DGKD: variants seen among roughly 807,000 people sequenced by gnomAD.
The protein encoded by DGKD is diacylglycerol kinase delta.
In DGKD, 68 loss-of-function variants were observed where a neutral mutation model predicts 154.4. The observed-to-expected ratio is 0.44, with a 90% CI of 0.36 to 0.54. The LOEUF is 0.54. DGKD is among the 20% of genes least tolerant of loss of function. The probability of loss-of-function intolerance (pLI) is 0.00; values close to 1 mark genes in which losing one functional copy is unlikely to be tolerated. For missense variants in DGKD, 1,343 were observed against 1,593.6 expected (o/e 0.84, Z 2.68); for synonymous variants, 693 against 638.0 (o/e 1.09, Z -1.30).
At position 233,463,681 on chromosome 2, in the gene DGKD, G is replaced by GCATCACCTCACTCCACA. The variant is rs2063739280; in HGVS notation, c.3187-467_3187-466insACATCACCTCACTCCAC. ...CACTGCACGCATCTCCTCACTCCAC[G>GCATCACCTCACTCCACA]CATCACCTCACTCCACGCATCACCT... On this transcript the variant is annotated intron_variant, in intron 26 of 29. Coordinates refer to ENST00000264057, the MANE Select transcript of DGKD (RefSeq NM_152879.3). The GCATCACCTCACTCCACA allele has an allele frequency of 4.4e-5, 8 of 181,376 alleles. 1 individual carries two copies. The highest frequency in any genetic ancestry group is 1.7e-4 in the African/African-American group (6 of 34,816). The allele number at this position is 181,376 out of a possible 1,614,324, so 11.2% of individuals were successfully genotyped here.
chr2:233,373,699 C>T (rs1468836131), intron 1 of DGKD, among the ~76,000 whole-genome samples: 1 of 152,090 alleles, frequency 6.6e-6, no homozygotes. Flanking sequence ...TTATGTTCCC[C>T]CTTGTTTGAA....
chr2:233,467,604 T>C (rs1341503415), intron 28 of DGKD, among the ~76,000 whole-genome samples: 1 of 152,264 alleles, frequency 6.6e-6, no homozygotes, highest in Non-Finnish European at 1.5e-5. Flanking sequence ...TCGAGGTTCC[T>C]GTGCTGGGAA....
In DGKD at chr2:233,366,964, A is replaced by G. The variant is rs111632695; in HGVS notation, c.156+12290A>G. ...CCACAACATGAGGATATTTTCTTAT[A>G]TAACAATACCATTATACCTGAAAAA... On this transcript the variant is annotated intron_variant, in intron 1 of 29. Transcript: ENST00000264057. 2.7e-3 allele frequency among the ~76,000 whole-genome samples: 413 copies of G among 152,344 alleles called. 2 individuals are homozygous for G. Among genetic ancestry groups the G allele is most frequent in the African/African-American group, 9.5e-3 (394 of 41,586 alleles).
chr2:233,446,898 T>C, intron 12 of DGKD, 102 bp downstream of exon 12: 1 of 1,355,150 alleles, frequency 7.4e-7, no homozygotes, highest in African/African-American at 1.4e-5. Flanking sequence ...GCCTCCCCTT[T>C]GGTGTTGGGG....
rs1341782169 is a variant in DGKD, at chr2:233,434,391, A to G, written c.360A>G (p.Pro120=). ...NVNNSFTVIT[P]CRKLILCADN... ...GTTTCTTTCTCTAGGTCATAACTCC[A>G]TGCAGGAAGCTCATCTTGTGTGCTG... The change falls in exon 4 of 30, where the codon CCA becomes CCG. Residue 120 remains proline (P), a synonymous_variant. Transcript: ENST00000264057. 1 of 1,614,128 alleles carries G rather than the reference A, an allele frequency of 6.2e-7. No homozygotes were observed. Among genetic ancestry groups the G allele is most frequent in the Non-Finnish European group, 8.5e-7 (1 of 1,179,944 alleles).
intron 29 of DGKD, among the ~76,000 whole-genome samples, chr2:233,469,164 A>G (rs1034376708): frequency 2.0e-5 from 3 of 152,224 alleles, no homozygotes; most frequent in Non-Finnish European, 4.4e-5. Context: ...TGCTGATGGT[A>G]GTGACTAGAA....
Position 233,387,340 on chromosome 2 carries a change from C to T in DGKD, c.157-917C>T, listed in dbSNP as rs1210861116. 5.3e-5 allele frequency among the ~76,000 whole-genome samples: 8 copies of T among 152,314 alleles called. No individual in the cohort carries two copies. The East Asian group carries it at 1.4e-3, about 26-fold the overall frequency. ...GCCTCCCTCCATTTCCATGCTGAGG[C>T]TCCTTGTGGACTGGGCATTTCCGTG... On this transcript the variant is annotated intron_variant, in intron 1 of 29. Coordinates refer to ENST00000264057, the MANE Select transcript of DGKD (RefSeq NM_152879.3).
At chr2:233,388,553 A>G (rs1174767535) in intron 2 of DGKD, 186 bp downstream of exon 2, 2 of 508,760 alleles carry the variant, frequency 3.9e-6, no homozygotes, top group Non-Finnish European at 6.7e-6. Context: ...TTTCTTATCA[A>G]AATTAATTTC....
intron 9 of DGKD, among the ~76,000 whole-genome samples, chr2:233,439,725 C>G (rs1276557591): frequency 6.6e-6 from 1 of 151,848 alleles, no homozygotes; most frequent in Non-Finnish European, 1.5e-5. Flanking sequence ...CTATGCCCAG[C>G]TAATTTTTTT....
intron 14 of DGKD, among the ~76,000 whole-genome samples, 200 bp from the exon 15 acceptor site, chr2:233,448,903 A>G (rs1277394539): frequency 2.0e-5 from 3 of 152,140 alleles, no homozygotes; most frequent in East Asian, 1.9e-4. Flanking sequence ...AATTTCCCCA[A>G]TTTCCCACCT....
In DGKD at chr2:233,452,105, G is replaced by A; in HGVS notation, c.2264+45G>A. ...CGAGTGGGCATATTGTTACATGGCT[G>A]CTAGTGCATAGAAAACAGATCTCAG... On this transcript the variant is annotated intron_variant, in intron 18 of 29. Coordinates refer to ENST00000264057, the MANE Select transcript of DGKD (RefSeq NM_152879.3). The surrounding 1 kb of genome is among the most constrained non-coding windows in gnomAD (Gnocchi z 4.0). 1 of 1,530,134 alleles carries A rather than the reference G, an allele frequency of 6.5e-7. No individual in the cohort carries two copies. The highest frequency in any genetic ancestry group is 9.1e-7 in the Non-Finnish European group (1 of 1,104,156). 94.8% of individuals were successfully genotyped at this position (1,530,134 alleles called of 1,614,324 possible).
chr2:233,468,137 C>T (rs1487771551), intron 28 of DGKD, among the ~76,000 whole-genome samples: 3 of 151,772 alleles, frequency 2.0e-5, no homozygotes, highest in Non-Finnish European at 4.4e-5. Flanking sequence ...GTGCCTCTTT[C>T]TGCACTGCTG....
chr2:233,412,310 T>C (rs2125517836), intron 3 of DGKD, among the ~76,000 whole-genome samples: 1 of 152,390 alleles, frequency 6.6e-6, no homozygotes, highest in African/African-American at 2.4e-5. Context: ...CAGTGCTTTG[T>C]AGTTTTCAGT....
chr2:233,462,548 C>T lies in DGKD; in HGVS notation c.3093+89C>T, dbSNP rs544502098. ...GTGCGTGTTCATTCCCCCGCCTCCC[C>T]GGTGCATGTTCGGCCCTCCCAGTGC... On this transcript the variant is annotated intron_variant, in intron 25 of 29. Coordinates refer to ENST00000264057, the MANE Select transcript of DGKD (RefSeq NM_152879.3). 125 of 1,521,372 alleles carry T rather than the reference C, an allele frequency of 8.2e-5. 1 individual carries two copies. Among genetic ancestry groups the T allele is most frequent in the African/African-American group, 1.5e-4 (11 of 73,218 alleles). 94.2% of individuals were successfully genotyped at this position (1,521,372 alleles called of 1,614,324 possible).
At position 233,459,899 on chromosome 2, in the gene DGKD, C is replaced by T. The variant is rs375214777; in HGVS notation, c.2829+8C>T. On this transcript the variant is annotated splice_region_variant and intron_variant, in intron 23 of 29. Transcript: ENST00000264057. This position sits in a 1 kb window ranked among gnomAD's most constrained non-coding sequence, Gnocchi z 5.7. ...ACACTGACCAGAGACAGGGTAAGAG[C>T]GGCTGCCCGCGGTACCTGGGTGGGG... 367 of 1,611,814 alleles carry T rather than the reference C, an allele frequency of 2.3e-4. No homozygotes were observed. The highest frequency in any genetic ancestry group is 2.9e-4 in the Non-Finnish European group (336 of 1,178,828).
At chr2:233,386,180 G>A in intron 1 of DGKD, 1 of 326,880 alleles carries the variant, frequency 3.1e-6, no homozygotes, top group Non-Finnish European at 6.1e-6. Flanking sequence ...TTCCCATTTA[G>A]GGAAGAGATG....
At chr2:233,389,653 A>AT (rs1431432510) in intron 2 of DGKD, among the ~76,000 whole-genome samples, 2 of 151,706 alleles carry the variant, frequency 1.3e-5, no homozygotes, top group African/African-American at 4.8e-5. Context: ...TACTTAAAAG[A>AT]TTGAGTTTCT....
chr2:233,384,903 G>T (rs1266084800), intron 1 of DGKD, among the ~76,000 whole-genome samples: 1 of 152,098 alleles, frequency 6.6e-6, no homozygotes, highest in Non-Finnish European at 1.5e-5. Flanking sequence ...GGTACCTGTT[G>T]TCTCAGGCAG....
intron 1 of DGKD, among the ~76,000 whole-genome samples, chr2:233,367,091 T>G (rs1415487728): frequency 6.6e-6 from 1 of 152,216 alleles, no homozygotes; most frequent in Non-Finnish European, 1.5e-5. Context: ...CCATCAAGTT[T>G]TACGCATCAT....
Sources: gnomAD v4.1 joint callset for allele counts (sites outside exome capture counted in the v4.1 genomes callset) on GRCh38, gnomAD v4.1.1 for gene constraint, Gnocchi (gnomAD v3.1) non-coding constraint, MANE v1.5 for transcripts, NCBI Gene and HGNC (gene_info 2026-07-23, HGNC 2026-07-21) for gene names.